The following COL21A1 variants were observed in gnomAD, a reference collection of about 807,000 sequenced individuals.
COL21A1 encodes collagen type XXI alpha 1 chain, also known as collagen alpha-1(XXI) chain.
A neutral mutation model predicts 137.9 loss-of-function variants in COL21A1; 149 were observed. The observed-to-expected ratio is 1.08, with a 90% CI of 0.95 to 1.24. COL21A1 has a LOEUF of 1.24. Among genes scored for constraint, COL21A1 ranks in the 50% most tolerant of loss-of-function variants. The pLI is 0.00. For synonymous variants in COL21A1, 456 were observed against 391.5 expected (o/e 1.16, Z -1.95); for missense variants, 1,167 against 1,158.4 (o/e 1.01, Z -0.11).
intron 17 of COL21A1, 67 bp from the exon 18 acceptor site, chr6:56,077,640 A>G (rs373953219): frequency 3.2e-6 from 3 of 934,850 alleles, no homozygotes; most frequent in African/African-American, 3.4e-5. Flanking sequence ...AAGAAGAAAC[A>G]GTCACAATTG....
Position 56,126,096 on chromosome 6 carries a change from C to T in COL21A1, c.1596G>A (p.Lys532=). The T allele has an allele frequency of 1.3e-6, 2 of 1,541,696 alleles. No homozygotes were observed. The highest frequency in any genetic ancestry group is 1.8e-6 in the Non-Finnish European group (2 of 1,140,920). ...FPGLHGMPGS[K]GEMGAKGDKG... The stretch of plus-strand genomic sequence containing the variant: ...TTTAAAAGAAACAGATTTCTTCAAC[C>T]TTTGATCCTGGCATGCCATGAAGCC... Residue 532 remains lysine (K), a splice_region_variant and synonymous_variant, in exon 13 of 30, where the codon AAG becomes AAA. Transcript: ENST00000244728.
In COL21A1 at chr6:56,057,733, G is replaced by T; in HGVS notation, c.2798C>A (p.Pro933Gln). The change falls in exon 30 of 30, where the codon CCA becomes CAA. Residue 933 changes from proline (P) to glutamine (Q), a missense_variant. Coordinates refer to ENST00000244728, the MANE Select transcript of COL21A1 (RefSeq NM_030820.4). The part of the protein sequence containing the change: ...KPGIQGQPGP[P>Q]GICDPSLCFS... ...ACATAGTGATGGGTCGCAGATGCCT[G>T]GGGGGCCTGGTTGCCCTTGGATTCC... is the stretch of plus-strand genomic sequence containing the variant. 6.2e-7 allele frequency: 1 copy of T among 1,612,530 alleles called. No individual in the cohort carries two copies. Among genetic ancestry groups the T allele is most frequent in the Non-Finnish European group, 8.5e-7 (1 of 1,179,276 alleles).
intron 20 of COL21A1, 85 bp from the exon 21 acceptor site, chr6:56,070,883 T>A: frequency 1.0e-6 from 1 of 1,003,262 alleles, no homozygotes; most frequent in Non-Finnish European, 1.5e-6. Context: ...GGAATATATG[T>A]AAAATAACTT....
chr6:56,379,255 T>C (rs1202464075), intron 1 of COL21A1, among the ~76,000 whole-genome samples: 1 of 152,124 alleles, frequency 6.6e-6, no homozygotes, highest in African/African-American at 2.4e-5. Context: ...CAATCAATCC[T>C]GGAGAAACAG....
At chr6:56,209,138 A>T (rs1195882362) in intron 1 of COL21A1, among the ~76,000 whole-genome samples, 2 of 152,172 alleles carry the variant, frequency 1.3e-5, no homozygotes, top group Non-Finnish European at 2.9e-5. Context: ...GCCAAGATGG[A>T]TTAAAGACTT....
intron 1 of COL21A1, among the ~76,000 whole-genome samples, chr6:56,192,854 T>G (rs6459133): frequency 0.65 from 98,713 of 152,068 alleles, 32,446 homozygotes; most frequent in East Asian, 0.86. Flanking sequence ...CTACTGTAGG[T>G]ACATATGCAC....
rs535353556 is a variant in COL21A1, at chr6:56,179,704, A to G, written c.514T>C (p.Ser172Pro). Residue 172 changes from serine to proline, a missense_variant, in exon 3 of 30, where the codon TCA becomes CCA. Transcript: ENST00000244728. ...CTAAGTTCGGCATCTTCTGTTTCTG[A>G]ACCAACACCAATAGCAAATAATGTT... is the stretch of plus-strand genomic sequence containing the variant. The part of the protein sequence containing the change: ...KITLFAIGVG[S>P]ETEDAELRAI... 84 of 1,613,520 alleles carry G rather than the reference A, an allele frequency of 5.2e-5. 1 individual carries two copies. In the South Asian group the frequency reaches 9.2e-4, roughly 18 times the overall value.
intron 10 of COL21A1, among the ~76,000 whole-genome samples, chr6:56,151,318 A>G (rs1925178): frequency 0.094 from 14,375 of 152,272 alleles, 750 homozygotes; most frequent in African/African-American, 0.13. Context: ...CTATAAACTC[A>G]TAAGCTAGTG....
intron 17 of COL21A1, among the ~76,000 whole-genome samples, chr6:56,086,552 C>G (rs111422723): frequency 0.067 from 10,139 of 152,090 alleles, 395 homozygotes; most frequent in Admixed American, 0.11. Flanking sequence ...AGTGGATCAT[C>G]ATAAAGGTCT....
intron 10 of COL21A1, among the ~76,000 whole-genome samples, chr6:56,155,787 G>C (rs1775697296): frequency 6.6e-6 from 1 of 152,008 alleles, no homozygotes; most frequent in Non-Finnish European, 1.5e-5. Context: ...TTTTTTAATA[G>C]AGATGGGGTT....
At chr6:56,164,229 T>G (rs1174823235) in intron 9 of COL21A1, among the ~76,000 whole-genome samples, 194 bp downstream of exon 9, 1 of 152,174 alleles carries the variant, frequency 6.6e-6, no homozygotes, top group Non-Finnish European at 1.5e-5. Context: ...CAGTTTTGGG[T>G]TCAAAAGGTA....
At chr6:56,213,689 T>C (rs1437985198) in intron 1 of COL21A1, among the ~76,000 whole-genome samples, 2 of 152,068 alleles carry the variant, frequency 1.3e-5, no homozygotes, top group East Asian at 3.9e-4. Flanking sequence ...AATAGTATAT[T>C]GTATACATTT....
rs188524182 is a variant in COL21A1 at position 56,108,090 on chromosome 6, A to C, written c.1759-6565T>G. Among the ~76,000 whole-genome samples, 855 of 152,190 alleles carry C rather than the reference A, an allele frequency of 5.6e-3. 3 individuals are homozygous for C. The highest frequency in any genetic ancestry group is 9.7e-3 in the Non-Finnish European group (658 of 67,928). ...GATATTTACAAGGAATAGTAAACGT[A>C]GTATAAAGACCACTAAAATAAAAAT... On this transcript the variant is annotated intron_variant, in intron 16 of 29. Transcript: ENST00000244728.
intron 1 of COL21A1, among the ~76,000 whole-genome samples, chr6:56,342,024 A>T (rs1765482042): frequency 6.6e-6 from 1 of 152,098 alleles, no homozygotes; most frequent in South Asian, 2.1e-4. Flanking sequence ...AAAAATGATC[A>T]TTTTCCCTCC....
intron 1 of COL21A1, among the ~76,000 whole-genome samples, chr6:56,324,780 C>A (rs1241788626): frequency 8.6e-5 from 13 of 151,888 alleles, no homozygotes; most frequent in Admixed American, 8.5e-4. Flanking sequence ...ACATTGATAA[C>A]CTGAAGGTAT....
intron 16 of COL21A1, among the ~76,000 whole-genome samples, chr6:56,102,136 G>A (rs1177254801): frequency 6.6e-6 from 1 of 152,046 alleles, no homozygotes; most frequent in African/African-American, 2.4e-5. Context: ...CTACGTTTTG[G>A]AAGCTAAATT....
At chr6:56,130,284 A>G (rs1354549262) in intron 12 of COL21A1, among the ~76,000 whole-genome samples, 1 of 148,632 alleles carries the variant, frequency 6.7e-6, no homozygotes, top group African/African-American at 2.5e-5. Flanking sequence ...TATATTATAT[A>G]TATATATTTC....
At chr6:56,121,726 G>A (rs941332183) in intron 16 of COL21A1, among the ~76,000 whole-genome samples, 5 of 151,754 alleles carry the variant, frequency 3.3e-5, no homozygotes, top group Admixed American at 6.6e-5. Flanking sequence ...GAGAGCCTGT[G>A]TACAGGGTTG....
At chr6:56,380,081 G>A (rs2094006351) in intron 1 of COL21A1, among the ~76,000 whole-genome samples, 1 of 152,108 alleles carries the variant, frequency 6.6e-6, no homozygotes, top group Admixed American at 6.5e-5. Flanking sequence ...CCTCATGAAT[G>A]GCTTGATGCC....
Sources: gnomAD v4.1 joint callset for allele counts (sites outside exome capture counted in the v4.1 genomes callset) on GRCh38, gnomAD v4.1.1 for gene constraint, MANE v1.5 for transcripts, NCBI Gene and HGNC (gene_info 2026-07-23, HGNC 2026-07-21) for gene names.